Variants in UBE3C observed in about 807,000 individuals in gnomAD.
The protein encoded by UBE3C is ubiquitin protein ligase E3C, also known as ubiquitin-protein ligase E3C.
Under a neutral mutation model 129.4 loss-of-function variants are expected in UBE3C, and 42 were observed. The observed-to-expected ratio is 0.32, with a 90% confidence interval of 0.25 to 0.42. The LOEUF (loss-of-function observed/expected upper bound fraction) is 0.42. Ranked by LOEUF, UBE3C falls within the 10% of genes least tolerant of loss-of-function variation. The pLI is 1.00. For synonymous variants in UBE3C, 510 were observed against 492.4 expected, an observed-to-expected ratio of 1.04 and a Z score of -0.47; for missense variants, 1,049 against 1,319.1, an observed-to-expected ratio of 0.80 and a Z score of 3.17.
At chr7:157,184,362 C>T (rs1396115168) in intron 9 of UBE3C, among the ~76,000 whole-genome samples, 2 of 152,136 alleles carry the variant, frequency 1.3e-5, no homozygotes, top group East Asian at 3.8e-4. Flanking sequence ...TTTACCCTAT[C>T]CTGTGAACAC....
At chr7:157,207,671 G>A (rs1321514510) in intron 12 of UBE3C, 32 bp from the exon 13 acceptor site, 1 of 1,599,150 alleles carries the variant, frequency 6.3e-7, no homozygotes, top group East Asian at 2.2e-5. Context: ...GATGGAAAAA[G>A]AAACAATAGA....
chr7:157,266,038 G>GGCACGGTGGCTCACGCCTGTAATCCCA (rs1432205161), intron 22 of UBE3C, among the ~76,000 whole-genome samples: 1 of 152,182 alleles, frequency 6.6e-6, no homozygotes, highest in Non-Finnish European at 1.5e-5. Context: ...ACTGGGGCCG[G>GGCACGGTGGCTCACGCCTGTAATCCCA]GCACGGTGGC....
intron 18 of UBE3C, among the ~76,000 whole-genome samples, chr7:157,235,789 G>A (rs1351751965): frequency 1.3e-5 from 2 of 152,160 alleles, no homozygotes; most frequent in Non-Finnish European, 2.9e-5. Flanking sequence ...CTCTCTGTGT[G>A]GAAATTCCTA....
At chr7:157,165,491 A>G (rs956789210) in intron 2 of UBE3C, among the ~76,000 whole-genome samples, 3 of 148,452 alleles carry the variant, frequency 2.0e-5, no homozygotes, top group African/African-American at 7.5e-5. Context: ...TCCGCCTTCC[A>G]GGTTCAAGCG....
chr7:157,208,081 T>TGA (rs1809489893), intron 13 of UBE3C, 146 bp downstream of exon 13: 1 of 429,538 alleles, frequency 2.3e-6, no homozygotes, highest in Non-Finnish European at 3.5e-6. Flanking sequence ...TTTTTTTTTT[T>TGA]TTTTTTTTTT....
chr7:157,246,693 C>T (rs764484018), intron 18 of UBE3C, among the ~76,000 whole-genome samples: 7 of 152,074 alleles, frequency 4.6e-5, no homozygotes, highest in South Asian at 2.1e-4. Context: ...TCCTTCCTGC[C>T]GTCCCTCATT....
At chr7:157,225,845 A>G (rs567378260) in intron 17 of UBE3C, among the ~76,000 whole-genome samples, 15 of 152,122 alleles carry the variant, frequency 9.9e-5, no homozygotes, top group Non-Finnish European at 1.8e-4. Flanking sequence ...CTGCTCTGCA[A>G]AAGGCTGAGG....
intron 14 of UBE3C, among the ~76,000 whole-genome samples, chr7:157,219,486 TCTAA>T (rs1795677469): frequency 6.6e-6 from 1 of 152,156 alleles, no homozygotes; most frequent in Non-Finnish European, 1.5e-5. Context: ...AACCTCTACA[TCTAA>T]CTACAAAATT....
intron 10 of UBE3C, chr7:157,198,439 G>T (rs1809184055): frequency 3.7e-6 from 2 of 546,350 alleles, no homozygotes; most frequent in East Asian, 7.2e-5. Context: ...TGCAAATCCT[G>T]TGCGCTCGGA....
intron 10 of UBE3C, 56 bp from the exon 11 acceptor site, chr7:157,201,665 T>G: frequency 1.7e-6 from 1 of 575,482 alleles, no homozygotes; most frequent in Non-Finnish European, 2.7e-6. Flanking sequence ...TTTTAAGAAA[T>G]GTTTTGAATA....
chr7:157,253,511 C>G (rs1177942885), intron 19 of UBE3C, among the ~76,000 whole-genome samples: 2 of 152,210 alleles, frequency 1.3e-5, no homozygotes, highest in African/African-American at 4.8e-5. Context: ...TGGAAGCACA[C>G]AGGTAAGTGT....
chr7:157,159,024 T>C (rs1325965030), intron 1 of UBE3C, among the ~76,000 whole-genome samples: 1 of 152,204 alleles, frequency 6.6e-6, no homozygotes, highest in Non-Finnish European at 1.5e-5. Context: ...GAGTGTGAAA[T>C]AATCACTCCT....
chr7:157,230,797 G>A (rs1463773046), intron 17 of UBE3C, among the ~76,000 whole-genome samples: 1 of 151,984 alleles, frequency 6.6e-6, no homozygotes, highest in African/African-American at 2.4e-5. Context: ...GTGGGCTGCA[G>A]GTTGAGGACA....
chr7:157,225,665 G>T, intron 17 of UBE3C, 126 bp downstream of exon 17: 1 of 1,138,758 alleles, frequency 8.8e-7, no homozygotes, highest in Non-Finnish European at 1.2e-6. Flanking sequence ...ACTGAAATGT[G>T]AGGCTGGGCA....
At chr7:157,182,748 G>A (rs1474543747) in intron 8 of UBE3C, among the ~76,000 whole-genome samples, 1 of 151,872 alleles carries the variant, frequency 6.6e-6, no homozygotes, top group African/African-American at 2.4e-5. Context: ...CCAAACTTTT[G>A]GGGGTTGGGT....
At chr7:157,164,835 G>A (rs1808170070) in intron 2 of UBE3C, among the ~76,000 whole-genome samples, 1 of 152,100 alleles carries the variant, frequency 6.6e-6, no homozygotes, top group South Asian at 2.1e-4. Flanking sequence ...AACCTGTGAG[G>A]GCCACAGAGT....
intron 2 of UBE3C, among the ~76,000 whole-genome samples, chr7:157,167,103 G>A (rs927086685): frequency 3.3e-5 from 5 of 152,000 alleles, no homozygotes; most frequent in African/African-American, 1.2e-4. Flanking sequence ...CTAATTTTTT[G>A]TATTTTTAGT....
intron 4 of UBE3C, among the ~76,000 whole-genome samples, chr7:157,171,688 T>A (rs4257905): frequency 0.089 from 401 of 4,488 alleles, 5 homozygotes; most frequent in East Asian, 0.18. Context: ...ATATATATAT[T>A]TTTTTTTTTT....
At chr7:157,219,880 C>G (rs958928260) in intron 14 of UBE3C, among the ~76,000 whole-genome samples, 2 of 149,136 alleles carry the variant, frequency 1.3e-5, no homozygotes, top group African/African-American at 5.0e-5. Context: ...TCCTGGGTAA[C>G]AGAGTGAATG....
Sources: gnomAD v4.1 joint callset for allele counts (sites outside exome capture counted in the v4.1 genomes callset) on GRCh38, gnomAD v4.1.1 for gene constraint, MANE v1.5 for transcripts, NCBI Gene and HGNC (gene_info 2026-07-23, HGNC 2026-07-21) for gene names.